BICC1: variants seen among roughly 807,000 people sequenced by gnomAD.
BICC1 encodes the protein BicC family RNA binding protein 1, also known as protein bicaudal C homolog 1.
Under a neutral mutation model 111.0 loss-of-function variants are expected in BICC1, and 43 were observed. That is an observed-to-expected ratio of 0.39 (90% CI 0.30 to 0.50). The LOEUF (loss-of-function observed/expected upper bound fraction) is 0.50. BICC1 is among the 20% of genes least tolerant of loss of function. The probability of loss-of-function intolerance (pLI) is 0.88; values close to 1 mark genes in which losing one functional copy is unlikely to be tolerated. For missense variants in BICC1, 1,091 were observed against 1,203.2 expected (o/e 0.91, Z 1.38); for synonymous variants, 467 against 434.4 (o/e 1.07, Z -0.93).
chr10:58,555,306 A>ATTTTTT lies in BICC1; in HGVS notation c.190+41996_190+42001dup, dbSNP rs61692850. 6.2e-3 allele frequency among the ~76,000 whole-genome samples: 640 copies of ATTTTTT among 102,464 alleles called. 33 individuals are homozygous for ATTTTTT. The highest frequency in any genetic ancestry group is 9.6e-3 in the South Asian group (29 of 3,030). 67.2% of individuals were successfully genotyped at this position (102,464 alleles called of 152,430 possible). A position where few individuals can be genotyped will look rare whatever the true frequency, so the allele number is the denominator to read the frequency against. On this transcript the variant is annotated intron_variant, in intron 1 of 20. Coordinates refer to ENST00000373886, the MANE Select transcript of BICC1 (RefSeq NM_001080512.3). ...CTGAAGAGAATAGAGGCTGTTGGAC[A>ATTTTTT]TTTTTTTTTTTTTTTTTTTTTTTTT...
intron 3 of BICC1, among the ~76,000 whole-genome samples, chr10:58,736,448 A>G (rs1387608874): frequency 1.3e-5 from 2 of 152,174 alleles, no homozygotes; most frequent in African/African-American, 4.8e-5. Context: ...CATTTAATAT[A>G]GTGTGCTGTT....
chr10:58,643,383 C>T (rs4948305), intron 2 of BICC1, among the ~76,000 whole-genome samples: 148,648 of 152,328 alleles, frequency 0.98, 72,631 homozygotes, highest in East Asian at 1. Flanking sequence ...GTCAAATTTC[C>T]CAGGTATTCT....
intron 3 of BICC1, among the ~76,000 whole-genome samples, chr10:58,756,822 T>A (rs1404014131): frequency 6.6e-6 from 1 of 152,130 alleles, no homozygotes; most frequent in Non-Finnish European, 1.5e-5. Flanking sequence ...GGATCTGTCT[T>A]ACAAAGAAAA....
intron 15 of BICC1, among the ~76,000 whole-genome samples, chr10:58,806,251 G>T (rs992159741): frequency 7.2e-5 from 11 of 152,070 alleles, no homozygotes; most frequent in African/African-American, 2.7e-4. Flanking sequence ...TTATTATTAG[G>T]CTGTTCACTA....
chr10:58,615,811 TCTGGTGGAAAC>T (rs1203470098), intron 1 of BICC1, among the ~76,000 whole-genome samples: 1 of 152,160 alleles, frequency 6.6e-6, no homozygotes, highest in East Asian at 1.9e-4. Flanking sequence ...CTTAATGGGC[TCTGGTGGAAAC>T]CTAGGTGGTG....
At chr10:58,645,661 C>T (rs1292608697) in intron 2 of BICC1, among the ~76,000 whole-genome samples, 1 of 152,182 alleles carries the variant, frequency 6.6e-6, no homozygotes, top group Admixed American at 6.5e-5. Flanking sequence ...ATACAGAATA[C>T]TTCTGCCAGC....
intron 3 of BICC1, among the ~76,000 whole-genome samples, chr10:58,754,068 A>G (rs984561329): frequency 2.0e-5 from 3 of 152,210 alleles, no homozygotes; most frequent in Admixed American, 6.5e-5. Flanking sequence ...ATAACAGCCT[A>G]AAAACAGCAT....
intron 17 of BICC1, among the ~76,000 whole-genome samples, chr10:58,811,063 A>C (rs1843887251): frequency 1.3e-5 from 2 of 152,196 alleles, no homozygotes; most frequent in Non-Finnish European, 2.9e-5. Context: ...TTGAGAAATT[A>C]ATCTACTTCA....
At chr10:58,694,522 A>T (rs1840012334) in intron 2 of BICC1, among the ~76,000 whole-genome samples, 1 of 152,190 alleles carries the variant, frequency 6.6e-6, no homozygotes, top group African/African-American at 2.4e-5. Context: ...TTTTCAACCA[A>T]GCTGTGGTAA....
chr10:58,589,198 C>T (rs954620948), intron 1 of BICC1, among the ~76,000 whole-genome samples: 1 of 152,164 alleles, frequency 6.6e-6, no homozygotes, highest in Non-Finnish European at 1.5e-5. Flanking sequence ...GTAGGATTCC[C>T]TCTTTGCTCT....
At chr10:58,750,695 T>G (rs1379014812) in intron 3 of BICC1, among the ~76,000 whole-genome samples, 2 of 152,188 alleles carry the variant, frequency 1.3e-5, no homozygotes, top group Non-Finnish European at 2.9e-5. Context: ...ACATAATGGA[T>G]TGAGTGGAAG....
At chr10:58,748,235 A>C (rs1439841857) in intron 3 of BICC1, among the ~76,000 whole-genome samples, 1 of 152,072 alleles carries the variant, frequency 6.6e-6, no homozygotes, top group Non-Finnish European at 1.5e-5. Context: ...TGTTCTAGGG[A>C]CTGGGATGTA....
At chr10:58,662,085 G>T (rs961785353) in intron 2 of BICC1, among the ~76,000 whole-genome samples, 5 of 152,130 alleles carry the variant, frequency 3.3e-5, no homozygotes, top group Non-Finnish European at 5.9e-5. Context: ...TGGGCGTGCA[G>T]TTCCATTCTC....
chr10:58,730,855 G>C (rs775083096), intron 3 of BICC1, among the ~76,000 whole-genome samples: 3 of 152,046 alleles, frequency 2.0e-5, no homozygotes, highest in Non-Finnish European at 4.4e-5. Flanking sequence ...AGGGCCCTTG[G>C]CCTGGCCCAG....
chr10:58,802,966 C>T (rs574423006), intron 14 of BICC1, 111 bp from the exon 15 acceptor site: 22 of 1,046,366 alleles, frequency 2.1e-5, no homozygotes, highest in South Asian at 4.8e-5. Flanking sequence ...TGAGAGACTA[C>T]GTGTAAATAG....
chr10:58,720,474 G>C (rs921397716), intron 3 of BICC1, among the ~76,000 whole-genome samples: 14 of 152,210 alleles, frequency 9.2e-5, no homozygotes, highest in African/African-American at 3.4e-4. Context: ...GTCAAGACTA[G>C]AGTAGAGGAG....
chr10:58,577,025 G>A (rs1024939913), intron 1 of BICC1, among the ~76,000 whole-genome samples: 8 of 152,102 alleles, frequency 5.3e-5, no homozygotes, highest in African/African-American at 1.4e-4. Flanking sequence ...ACAAACTGTC[G>A]GGCCAGAGGC....
At chr10:58,600,567 G>T (rs1485042773) in intron 1 of BICC1, among the ~76,000 whole-genome samples, 1 of 152,108 alleles carries the variant, frequency 6.6e-6, no homozygotes, top group East Asian at 1.9e-4. Context: ...GATTTAGTTA[G>T]ATATATGAGT....
intron 1 of BICC1, among the ~76,000 whole-genome samples, chr10:58,613,041 T>C (rs1353506230): frequency 6.6e-6 from 1 of 152,138 alleles, no homozygotes; most frequent in Admixed American, 6.6e-5. Flanking sequence ...ATATTTCTTG[T>C]GAAGCAAAAA....
Sources: gnomAD v4.1 joint callset for allele counts (sites outside exome capture counted in the v4.1 genomes callset) on GRCh38, gnomAD v4.1.1 for gene constraint, MANE v1.5 for transcripts, NCBI Gene and HGNC (gene_info 2026-07-23, HGNC 2026-07-21) for gene names.